Variants in FRMD5 observed in about 807,000 individuals in gnomAD.
FRMD5 encodes the protein FERM domain containing 5.
Under a neutral mutation model 69.0 loss-of-function variants are expected in FRMD5, and 20 were observed. The ratio of observed to expected loss-of-function variants is 0.29; its 90% CI spans 0.20 to 0.42. FRMD5 has a LOEUF of 0.42. Among genes scored for constraint, FRMD5 ranks in the 10% least tolerant of loss-of-function variants. The probability of loss-of-function intolerance (pLI) is 1.00; values close to 1 mark genes in which losing one functional copy is unlikely to be tolerated. For missense variants in FRMD5, 595 were observed against 708.6 expected, an observed-to-expected ratio of 0.84 and a Z score of 1.82; for synonymous variants, 271 against 260.1, an observed-to-expected ratio of 1.04 and a Z score of -0.40.
At chr15:43,929,379 G>A (rs928492728) in intron 1 of FRMD5, among the ~76,000 whole-genome samples, 4 of 152,210 alleles carry the variant, frequency 2.6e-5, no homozygotes, top group Admixed American at 2.6e-4. Flanking sequence ...ATCCTGATGA[G>A]AGAAGCCAAG....
chr15:43,972,043 T>C (rs951535370), intron 1 of FRMD5, among the ~76,000 whole-genome samples: 3 of 146,598 alleles, frequency 2.0e-5, no homozygotes, highest in African/African-American at 7.5e-5. Context: ...TAAAAAAATA[T>C]ATATTTTTAT....
intron 1 of FRMD5, among the ~76,000 whole-genome samples, chr15:44,148,560 C>T (rs4923976): frequency 0.87 from 133,052 of 152,208 alleles, 59,075 homozygotes; most frequent in East Asian, 1. Flanking sequence ...CGTGAGCCAC[C>T]GTGCCCAACC....
chr15:44,105,886 AC>A (rs2076710200), intron 1 of FRMD5, among the ~76,000 whole-genome samples: 1 of 152,054 alleles, frequency 6.6e-6, no homozygotes, highest in African/African-American at 2.4e-5. Context: ...GGTTCCAGGA[AC>A]CCCCACAGAT....
chr15:43,929,009 AACC>A (rs1371733654), intron 1 of FRMD5, among the ~76,000 whole-genome samples: 1 of 152,234 alleles, frequency 6.6e-6, no homozygotes, highest in Non-Finnish European at 1.5e-5. Context: ...ATATTTTATG[AACC>A]ACAACAGTGC....
intron 1 of FRMD5, among the ~76,000 whole-genome samples, chr15:44,112,667 A>C (rs551682686): frequency 3.3e-4 from 50 of 152,072 alleles, no homozygotes; most frequent in Non-Finnish European, 6.0e-4. Flanking sequence ...GGGTTTCACC[A>C]TGTTATCCAG....
intron 1 of FRMD5, among the ~76,000 whole-genome samples, chr15:44,091,582 A>T (rs1595711435): frequency 6.6e-6 from 1 of 152,304 alleles, no homozygotes; most frequent in East Asian, 1.9e-4. Flanking sequence ...TAATGTGAAC[A>T]AGATTTTGTG....
intron 1 of FRMD5, among the ~76,000 whole-genome samples, chr15:44,084,346 A>G (rs1048460099): frequency 6.6e-6 from 1 of 152,148 alleles, no homozygotes; most frequent in African/African-American, 2.4e-5. Context: ...AAATCACCTA[A>G]TACAACCCAT....
rs746275807 is a variant in FRMD5 at position 43,883,823 on chromosome 15, AAAAG to A, written c.1029-18_1029-15del. On this transcript the variant is annotated splice_polypyrimidine_tract_variant and intron_variant, in intron 12 of 13. Coordinates refer to ENST00000417257, the MANE Select transcript of FRMD5 (RefSeq NM_032892.5). ...ACCATCCCTGCTCTGAGGTTAAAGA[AAAAG>A]AACCTTGTTAATTCAGTGCATGGAC... The A allele has an allele frequency of 6.2e-7, 1 of 1,600,378 alleles. No homozygotes were observed. Among genetic ancestry groups the A allele is most frequent in the East Asian group, 2.2e-5 (1 of 44,796 alleles).
chr15:44,195,185 T>A lies in FRMD5; in HGVS notation c.-131A>T. The A allele has an allele frequency of 6.2e-6, 4 of 640,010 alleles. No homozygotes were observed. Among genetic ancestry groups the A allele is most frequent in the Non-Finnish European group, 1.0e-5 (4 of 391,284 alleles). 39.6% of individuals were successfully genotyped at this position (640,010 alleles called of 1,614,324 possible). A position where few individuals can be genotyped will look rare whatever the true frequency, so the allele number is the denominator to read the frequency against. ...CCCCGGCCCCGTCGCTGCCGTTGCCTCCTGCTGGCCTCGTTCCTCCTCCTT... is the reference window on the plus strand; with the variant it reads ...CCCCGGCCCCGTCGCTGCCGTTGCCACCTGCTGGCCTCGTTCCTCCTCCTT... On this transcript the variant is annotated 5_prime_UTR_variant, in exon 1 of 14. Transcript: ENST00000417257.
At chr15:43,875,828 C>CAGTTT in intron 13 of FRMD5, 2 of 94,898 alleles carry the variant, frequency 2.1e-5, no homozygotes, top group East Asian at 1.9e-4. Flanking sequence ...TTTTTTTTTT[C>CAGTTT]TTTCAGTCTT....
chr15:44,040,115 A>C (rs957681711), intron 1 of FRMD5, among the ~76,000 whole-genome samples: 1 of 152,046 alleles, frequency 6.6e-6, no homozygotes, highest in Non-Finnish European at 1.5e-5. Context: ...GCAAAAGACA[A>C]GATTAGAGAA....
chr15:44,079,471 T>C (rs1054389905), intron 1 of FRMD5, among the ~76,000 whole-genome samples: 12 of 152,068 alleles, frequency 7.9e-5, no homozygotes, highest in African/African-American at 2.4e-4. Flanking sequence ...TGAAGCAAGA[T>C]GATCCATTGG....
chr15:43,977,264 G>C (rs1043328788), intron 1 of FRMD5, among the ~76,000 whole-genome samples: 1 of 152,104 alleles, frequency 6.6e-6, no homozygotes, highest in Non-Finnish European at 1.5e-5. Flanking sequence ...TTAAGGTATG[G>C]GTGAGGTTGA....
At chr15:44,140,605 A>C (rs2077255722) in intron 1 of FRMD5, among the ~76,000 whole-genome samples, 1 of 152,124 alleles carries the variant, frequency 6.6e-6, no homozygotes, top group Non-Finnish European at 1.5e-5. Flanking sequence ...AAGGCCAGGC[A>C]CAGTGACTCG....
rs968051631 is a variant in FRMD5 at position 44,130,402 on chromosome 15, A to C, written c.102+64551T>G. On this transcript the variant is annotated intron_variant, in intron 1 of 13. Transcript: ENST00000417257. ...TTTCCAAAGATTACACTTCAGTTCT[A>C]CTATTCCAGGGAACTTCCAAGTGAG... 3.3e-5 allele frequency among the ~76,000 whole-genome samples: 5 copies of C among 152,142 alleles called. 1 individual carries two copies. The South Asian group carries it at 8.3e-4, about 25-fold the overall frequency.
chr15:44,078,320 A>G (rs183081192), intron 1 of FRMD5, among the ~76,000 whole-genome samples: 1 of 152,118 alleles, frequency 6.6e-6, no homozygotes, highest in Non-Finnish European at 1.5e-5. Context: ...CATTTATCCT[A>G]AACTTAGATG....
intron 1 of FRMD5, chr15:43,989,988 C>A: frequency 1.0e-6 from 1 of 994,780 alleles, no homozygotes; most frequent in Non-Finnish European, 1.6e-6. Context: ...ACTTCAGGGT[C>A]AGGATGCCTC....
At chr15:43,934,054 G>A (rs867012304) in intron 1 of FRMD5, among the ~76,000 whole-genome samples, 4 of 152,138 alleles carry the variant, frequency 2.6e-5, no homozygotes, top group South Asian at 4.1e-4. Flanking sequence ...CTACATCTAC[G>A]CTCCTTGAGG....
In FRMD5 at chr15:44,104,690, T is replaced by C. The variant is rs894084777; in HGVS notation, c.102+90263A>G. 6.4e-4 allele frequency among the ~76,000 whole-genome samples: 97 copies of C among 152,204 alleles called. 1 individual carries two copies. The highest frequency in any genetic ancestry group is 1.2e-4 in the Non-Finnish European group (8 of 68,032). ...TTTGTAGCCTAAGAGCAATAGGCTA[T>C]ACCACATAACCTGGGTAGTATATAT... On this transcript the variant is annotated intron_variant, in intron 1 of 13. Transcript: ENST00000417257.
Sources: gnomAD v4.1 joint callset for allele counts (sites outside exome capture counted in the v4.1 genomes callset) on GRCh38, gnomAD v4.1.1 for gene constraint, MANE v1.5 for transcripts, NCBI Gene and HGNC (gene_info 2026-07-23, HGNC 2026-07-21) for gene names.